The following PIN4 variants were observed in gnomAD, a reference collection of about 807,000 sequenced individuals.
PIN4 encodes peptidylprolyl cis/trans isomerase, NIMA-interacting 4.
In PIN4, 3 loss-of-function variants were observed where a neutral mutation model predicts 8.3. The observed-to-expected ratio is 0.36, with a 90% CI of 0.16 to 0.93. The LOEUF (loss-of-function observed/expected upper bound fraction) is 0.93. PIN4 is among the 40% of genes least tolerant of loss of function. PIN4 has a pLI of 0.44. For synonymous variants in PIN4, 18 were observed against 32.5 expected, an observed-to-expected ratio of 0.55 and a Z score of 1.52; for missense variants, 75 against 100.6, an observed-to-expected ratio of 0.75 and a Z score of 1.09.
At chrX:72,208,302 A>G (rs1485203164) in intron 3 of PIN4, 1 of 1,211,870 alleles carries the variant, frequency 8.3e-7, no homozygotes, top group Non-Finnish European at 1.1e-6. Flanking sequence ...TGTTAATAAG[A>G]TTGGTTGGCA....
intron 1 of PIN4, among the ~76,000 whole-genome samples, chrX:72,182,635 G>A (rs947481496): frequency 8.9e-6 from 1 of 111,757 alleles, no homozygotes; most frequent in Non-Finnish European, 1.9e-5. Context: ...ACTAAATGTA[G>A]TGTTGAGGGA....
intron 3 of PIN4, among the ~76,000 whole-genome samples, chrX:72,234,510 A>G (rs1332961837): frequency 8.9e-6 from 1 of 112,178 alleles, no homozygotes; most frequent in Non-Finnish European, 1.9e-5. Context: ...AGACAATGAT[A>G]TGACACCTGG....
downstream of PIN4, among the ~76,000 whole-genome samples, chrX:72,199,796 A>C: frequency 1.0e-5 from 1 of 97,183 alleles, no homozygotes; most frequent in Non-Finnish European, 2.1e-5. Flanking sequence ...GTGAGAAAGT[A>C]AGGCAGGAAT....
chrX:72,205,500 A>G, intron 3 of PIN4: 1 of 1,211,752 alleles, frequency 8.3e-7, no homozygotes, highest in East Asian at 3.0e-5. Context: ...GAGATCTTCT[A>G]GAGTTCATAG....
chrX:72,228,302 C>A (rs1392070341), intron 3 of PIN4, among the ~76,000 whole-genome samples: 1 of 112,152 alleles, frequency 8.9e-6, no homozygotes, highest in Non-Finnish European at 1.9e-5. Context: ...AGTGCTATTT[C>A]TTTATGGCAC....
At chrX:72,232,418 A>C (rs1292950208) in intron 3 of PIN4, among the ~76,000 whole-genome samples, 2 of 43,090 alleles carry the variant, frequency 4.6e-5, no homozygotes, top group Non-Finnish European at 6.8e-5. Flanking sequence ...ACCTGCCTCA[A>C]AAAAAAAAAA....
intron 3 of PIN4, chrX:72,204,987 TTAAAA>T (rs1180421355): frequency 4.4e-6 from 5 of 1,124,310 alleles, no homozygotes; most frequent in African/African-American, 1.8e-5. Context: ...CAGTTTCACT[TTAAAA>T]TACAATAAAC....
chrX:72,227,145 T>C (rs1484635434), intron 3 of PIN4, among the ~76,000 whole-genome samples: 2 of 111,928 alleles, frequency 1.8e-5, no homozygotes, highest in East Asian at 5.6e-4. Context: ...TCAATACCTT[T>C]TCAGGATGGG....
At chrX:72,231,182 C>T (rs978499201) in intron 3 of PIN4, among the ~76,000 whole-genome samples, 1 of 111,961 alleles carries the variant, frequency 8.9e-6, no homozygotes, top group Non-Finnish European at 1.9e-5. Flanking sequence ...AAGTCACCAT[C>T]AACAGGATGA....
chrX:72,244,910 C>CA (rs1410811517), intron 3 of PIN4, among the ~76,000 whole-genome samples: 3 of 105,302 alleles, frequency 2.8e-5, no homozygotes, highest in Admixed American at 1.0e-4. Context: ...ATTCATCAGA[C>CA]AAAAAACACA....
At chrX:72,208,600 A>G in intron 3 of PIN4, 1 of 1,211,317 alleles carries the variant, frequency 8.3e-7, no homozygotes, top group Non-Finnish European at 1.1e-6. Flanking sequence ...TCTGCTCAGC[A>G]CTTTTTCATT....
chrX:72,211,856 C>T (rs1447925395), intron 3 of PIN4, among the ~76,000 whole-genome samples: 1 of 111,853 alleles, frequency 8.9e-6, no homozygotes, highest in Non-Finnish European at 1.9e-5. Context: ...TAAACTTGGG[C>T]TACAAAGTCC....
intron 3 of PIN4, among the ~76,000 whole-genome samples, chrX:72,224,243 T>G (rs981618963): frequency 1.8e-5 from 2 of 111,609 alleles, no homozygotes; most frequent in Non-Finnish European, 3.8e-5. Flanking sequence ...ATACAAGAAC[T>G]TCCATACAAA....
At chrX:72,221,214 T>C (rs1193655723) in intron 3 of PIN4, among the ~76,000 whole-genome samples, 3 of 111,799 alleles carry the variant, frequency 2.7e-5, no homozygotes, top group African/African-American at 9.8e-5. Flanking sequence ...GTGGCTCTGG[T>C]TTAAGGGGCC....
At chrX:72,232,626 T>G (rs3012648) in intron 3 of PIN4, among the ~76,000 whole-genome samples, 1 of 110,144 alleles carries the variant, frequency 9.1e-6, no homozygotes, top group South Asian at 3.8e-4. Context: ...CTGGCTAACA[T>G]GACGAAACCC....
intron 3 of PIN4, among the ~76,000 whole-genome samples, chrX:72,259,215 CTTTTTT>C (rs3038606): frequency 1.1e-5 from 1 of 90,633 alleles, no homozygotes; most frequent in Non-Finnish European, 2.1e-5. Flanking sequence ...GAGTTTACTA[CTTTTTT>C]TTTTTTTTTT....
Position 72,198,099 on chromosome X carries a change from G to C in PIN4, c.*573G>C. On this transcript the variant is annotated 3_prime_UTR_variant, in exon 4 of 4. Transcript: ENST00000373669. Reference sequence around the variant, plus strand: ...TATTGGAGGAAAAAAGCACTCAGTTGTTCCATGAGTTGTTTTGTACTAGAC... The same window carrying C: ...TATTGGAGGAAAAAAGCACTCAGTTCTTCCATGAGTTGTTTTGTACTAGAC... 2.7e-6 allele frequency: 2 copies of C among 751,470 alleles called. No individual in the cohort carries two copies. Among genetic ancestry groups the C allele is most frequent in the Non-Finnish European group, 3.1e-6 (2 of 636,798 alleles). The allele number at this position is 751,470 out of a possible 1,213,427, so 61.9% of individuals were successfully genotyped here.
At chrX:72,225,207 G>A (rs972698859) in intron 3 of PIN4, among the ~76,000 whole-genome samples, 1 of 111,222 alleles carries the variant, frequency 9.0e-6, no homozygotes, top group African/African-American at 3.3e-5. Flanking sequence ...AAACCTTTTT[G>A]CTTTCACTTA....
intron 3 of PIN4, among the ~76,000 whole-genome samples, chrX:72,224,296 C>T (rs187300194): frequency 1.2e-4 from 13 of 111,705 alleles, no homozygotes; most frequent in African/African-American, 3.9e-4. Context: ...CACTCTCACT[C>T]ACTCTTTCTT....
Sources: allele counts gnomAD v4.1 joint callset (sites outside exome capture counted in the v4.1 genomes callset), GRCh38; gene constraint gnomAD v4.1.1; transcripts MANE v1.5; gene names NCBI Gene and HGNC (gene_info 2026-07-23, HGNC 2026-07-21).